Variants in TMPRSS11A observed in about 807,000 individuals in gnomAD.
TMPRSS11A encodes the protein transmembrane serine protease 11A.
TMPRSS11A carries 53 observed loss-of-function variants against 58.9 expected under a neutral mutation model. The ratio of observed to expected loss-of-function variants is 0.90; its 90% CI spans 0.72 to 1.13. TMPRSS11A has a LOEUF of 1.13. TMPRSS11A is among the 50% of genes most tolerant of loss of function. TMPRSS11A has a pLI of 0.00. For synonymous variants in TMPRSS11A, 167 were observed against 169.8 expected, an observed-to-expected ratio of 0.98 and a Z score of 0.13; for missense variants, 493 against 499.3, an observed-to-expected ratio of 0.99 and a Z score of 0.12.
At chr4:67,922,079 C>G (rs570884136) in intron 7 of TMPRSS11A, among the ~76,000 whole-genome samples, 2 of 152,316 alleles carry the variant, frequency 1.3e-5, no homozygotes, top group South Asian at 4.1e-4. Flanking sequence ...TTCTTCACTT[C>G]AGCTTTGTCT....
intron 9 of TMPRSS11A, among the ~76,000 whole-genome samples, chr4:67,912,129 CTT>C (rs996796066): frequency 5.9e-5 from 9 of 152,206 alleles, no homozygotes; most frequent in Admixed American, 4.6e-4. Flanking sequence ...TAACACAACT[CTT>C]TTTTTCATGT....
At chr4:67,917,533 G>C (rs375422024) in intron 8 of TMPRSS11A, among the ~76,000 whole-genome samples, 1 of 151,726 alleles carries the variant, frequency 6.6e-6, no homozygotes, top group South Asian at 2.1e-4. Flanking sequence ...CTCTTGGTGA[G>C]TAACGAATGG....
At chr4:67,942,579 G>C (rs1461912889) in intron 3 of TMPRSS11A, among the ~76,000 whole-genome samples, 4 of 152,196 alleles carry the variant, frequency 2.6e-5, no homozygotes, top group African/African-American at 4.8e-5. Flanking sequence ...AACATACTAA[G>C]ACACTAAGTG....
chr4:67,960,217 C>T (rs547510222), intron 1 of TMPRSS11A, among the ~76,000 whole-genome samples: 4 of 152,236 alleles, frequency 2.6e-5, no homozygotes, highest in East Asian at 3.9e-4. Flanking sequence ...GGGTGCTATG[C>T]CCACTACCTG....
In TMPRSS11A at chr4:67,949,673, A is replaced by G. The variant is rs562038199; in HGVS notation, c.12-3102T>C. ...CAGAAGTTCAAGACCCTCCTGACCA[A>G]CATGGTAAAACCTTGTCTCTACTAA... On this transcript the variant is annotated intron_variant, in intron 1 of 9. Coordinates refer to ENST00000508048, the MANE Select transcript of TMPRSS11A (RefSeq NM_001114387.2). 2.6e-5 allele frequency among the ~76,000 whole-genome samples: 4 copies of G among 152,314 alleles called. No individual in the cohort carries two copies. The South Asian group carries it at 8.3e-4, about 32-fold the overall frequency.
intron 8 of TMPRSS11A, among the ~76,000 whole-genome samples, chr4:67,915,012 G>C (rs1468771088): frequency 6.6e-6 from 1 of 151,994 alleles, no homozygotes; most frequent in Non-Finnish European, 1.5e-5. Flanking sequence ...ATATATTTCA[G>C]GAAGGCCTTT....
intron 3 of TMPRSS11A, among the ~76,000 whole-genome samples, chr4:67,943,827 T>C (rs140317334): frequency 5.9e-5 from 9 of 152,166 alleles, no homozygotes; most frequent in Non-Finnish European, 1.2e-4. Context: ...AATGGTTCTT[T>C]GATTAAAACA....
intron 8 of TMPRSS11A, among the ~76,000 whole-genome samples, chr4:67,918,020 A>C (rs898691021): frequency 7.9e-5 from 12 of 152,188 alleles, no homozygotes; most frequent in Non-Finnish European, 1.8e-4. Context: ...AAATCTAGAG[A>C]CCCTAAAACC....
At chr4:67,937,420 TTAGC>T (rs774119761) in intron 3 of TMPRSS11A, among the ~76,000 whole-genome samples, 23 of 152,230 alleles carry the variant, frequency 1.5e-4, no homozygotes, top group Non-Finnish European at 3.4e-4. Flanking sequence ...CAAGAAAAAG[TTAGC>T]TAGCACAGCA....
chr4:67,921,365 G>C (rs1257359924), intron 7 of TMPRSS11A, among the ~76,000 whole-genome samples: 1 of 152,080 alleles, frequency 6.6e-6, no homozygotes, highest in Non-Finnish European at 1.5e-5. Flanking sequence ...ATGGGGTCTT[G>C]CATTGTCACT....
At chr4:67,959,295 G>T (rs752160619) in intron 1 of TMPRSS11A, among the ~76,000 whole-genome samples, 7 of 143,878 alleles carry the variant, frequency 4.9e-5, no homozygotes, top group African/African-American at 1.5e-4. Context: ...ATCAACCCTG[G>T]TGAAGAATTT....
chr4:67,959,909 A>C (rs1404263980), intron 1 of TMPRSS11A, among the ~76,000 whole-genome samples: 14 of 152,242 alleles, frequency 9.2e-5, no homozygotes. Flanking sequence ...AAGACATGTA[A>C]TCAGCCTAGG....
intron 5 of TMPRSS11A, among the ~76,000 whole-genome samples, chr4:67,924,876 C>T (rs1720424601): frequency 6.6e-6 from 1 of 152,050 alleles, no homozygotes; most frequent in African/African-American, 2.4e-5. Flanking sequence ...ACAGCCAAGC[C>T]ATATGGCAAG....
intron 3 of TMPRSS11A, among the ~76,000 whole-genome samples, chr4:67,942,361 G>T (rs72851240): frequency 2.6e-5 from 4 of 152,250 alleles, no homozygotes; most frequent in East Asian, 3.9e-4. Flanking sequence ...AGTCATTAGT[G>T]TCCTTACAAA....
chr4:67,942,261 T>C (rs1048977658), intron 3 of TMPRSS11A, among the ~76,000 whole-genome samples: 6 of 152,196 alleles, frequency 3.9e-5, no homozygotes, highest in African/African-American at 1.4e-4. Context: ...CCCTGAAATT[T>C]ATATTTTGAG....
intron 1 of TMPRSS11A, among the ~76,000 whole-genome samples, chr4:67,955,219 A>G (rs558635892): frequency 6.6e-6 from 1 of 152,346 alleles, no homozygotes; most frequent in Admixed American, 6.5e-5. Flanking sequence ...TAATAAAAGG[A>G]AGATGCTGTT....
At position 67,944,606 on chromosome 4, in the gene TMPRSS11A, A is replaced by G; in HGVS notation, c.165T>C (p.Phe55=). 6.2e-7 allele frequency: 1 copy of G among 1,612,834 alleles called. No individual in the cohort carries two copies. The highest frequency in any genetic ancestry group is 8.5e-7 in the Non-Finnish European group (1 of 1,178,994). ...TATTGATTTGTGGATCTAAAATTTTAAAGGAGCCATGATAGTACTCCTTTT... is the reference window on the plus strand; with the variant it reads ...TATTGATTTGTGGATCTAAAATTTTGAAGGAGCCATGATAGTACTCCTTTT... ...DQKKEYYHGS[F]KILDPQINNN... The change falls in exon 3 of 10, where the codon TTT becomes TTC. Residue 55 remains phenylalanine (F), a synonymous_variant. Coordinates refer to ENST00000508048, the MANE Select transcript of TMPRSS11A (RefSeq NM_001114387.2).
At chr4:67,961,771 C>G (rs988950025) in intron 1 of TMPRSS11A, among the ~76,000 whole-genome samples, 1 of 151,996 alleles carries the variant, frequency 6.6e-6, no homozygotes, top group African/African-American at 2.4e-5. Context: ...CCTCGGCCTC[C>G]GAAAGTGCTG....
chr4:67,929,648 A>G (rs1336627572), intron 5 of TMPRSS11A, among the ~76,000 whole-genome samples: 1 of 152,192 alleles, frequency 6.6e-6, no homozygotes, highest in Non-Finnish European at 1.5e-5. Flanking sequence ...GCTTGCCTAT[A>G]TTTTGGGATG....
Sources: allele counts gnomAD v4.1 joint callset (sites outside exome capture counted in the v4.1 genomes callset), GRCh38; gene constraint gnomAD v4.1.1; transcripts MANE v1.5; gene names NCBI Gene and HGNC (gene_info 2026-07-23, HGNC 2026-07-21).